TAOK3: variants seen among roughly 807,000 people sequenced by gnomAD.
The protein encoded by TAOK3 is TAO kinase 3.
A neutral mutation model predicts 120.4 loss-of-function variants in TAOK3; 40 were observed. The ratio of observed to expected loss-of-function variants is 0.33; its 90% CI spans 0.26 to 0.43. The LOEUF (loss-of-function observed/expected upper bound fraction) is 0.43, where lower values mean the gene tolerates loss of function less well. Ranked by LOEUF, TAOK3 falls within the 20% of genes least tolerant of loss-of-function variation. The probability of loss-of-function intolerance (pLI) is 1.00; values close to 1 mark genes in which losing one functional copy is unlikely to be tolerated. For missense variants in TAOK3, 821 were observed against 1,112.1 expected (o/e 0.74, Z 3.72); for synonymous variants, 355 against 387.5 (o/e 0.92, Z 0.99).
At position 118,150,095 on chromosome 12, in the gene TAOK3, G is replaced by A. The variant is rs1388054995; in HGVS notation, c.*902C>T. ...TCCAAATACTGAACTGGAAAAGGAG[G>A]GAGGTGGGGAGGAACAGGAGGAGGA... is the stretch of plus-strand genomic sequence containing the variant. On this transcript the variant is annotated 3_prime_UTR_variant, in exon 21 of 21. Coordinates refer to ENST00000392533, the MANE Select transcript of TAOK3 (RefSeq NM_016281.4). 2 of 152,522 alleles carry A rather than the reference G, an allele frequency of 1.3e-5. No individual in the cohort carries two copies. Among genetic ancestry groups the A allele is most frequent in the Non-Finnish European group, 2.9e-5 (2 of 68,028 alleles). 9.4% of individuals were successfully genotyped at this position (152,522 alleles called of 1,614,324 possible). A position where few individuals can be genotyped will look rare whatever the true frequency, so the allele number is the denominator to read the frequency against.
At chr12:118,202,247 T>TC (rs1418940712) in intron 11 of TAOK3, among the ~76,000 whole-genome samples, 10 of 151,636 alleles carry the variant, frequency 6.6e-5, no homozygotes, top group African/African-American at 1.9e-4. Context: ...TACCATAATT[T>TC]CTTTTATCCT....
intron 12 of TAOK3, chr12:118,199,472 C>T (rs762036243): frequency 3.0e-4 from 174 of 577,370 alleles, no homozygotes; most frequent in Non-Finnish European, 4.8e-4. Flanking sequence ...CCATTCTGGA[C>T]GTGGGTCATA....
intron 2 of TAOK3, among the ~76,000 whole-genome samples, chr12:118,265,588 T>G (rs1413223122): frequency 6.6e-6 from 1 of 152,086 alleles, no homozygotes; most frequent in Non-Finnish European, 1.5e-5. Flanking sequence ...AACACCTCAT[T>G]TCACCCACCA....
chr12:118,280,913 C>A lies in TAOK3; in HGVS notation c.-193-14154G>T, dbSNP rs550139140. Among the ~76,000 whole-genome samples the A allele has an allele frequency of 5.3e-5, 8 of 152,202 alleles. No individual in the cohort carries two copies. In the South Asian group the frequency reaches 1.0e-3, roughly 20 times the overall value. On this transcript the variant is annotated intron_variant, in intron 1 of 20. Coordinates refer to ENST00000392533, the MANE Select transcript of TAOK3 (RefSeq NM_016281.4). ...AGTTCTCATTGTAGAGATCTTTCAC[C>A]TCCCTGGTTAGCTGTATTCCTAGGT...
intron 1 of TAOK3, among the ~76,000 whole-genome samples, chr12:118,316,705 G>A (rs1257913400): frequency 2.6e-5 from 4 of 151,998 alleles, no homozygotes; most frequent in East Asian, 1.9e-4. Flanking sequence ...ATGAGCCATC[G>A]TGGCTGGCCA....
chr12:118,284,105 C>A lies in TAOK3; in HGVS notation c.-193-17346G>T, dbSNP rs552163832. On this transcript the variant is annotated intron_variant, in intron 1 of 20. Transcript: ENST00000392533. ...GAAAAAGAATTGAAAGAATATAAAC[C>A]AAAATGTTAATAATGATTATCTTTG... 1.7e-4 allele frequency among the ~76,000 whole-genome samples: 26 copies of A among 151,958 alleles called. No homozygotes were observed. The South Asian group carries it at 5.2e-3, about 30-fold the overall frequency.
chr12:118,277,455 T>A (rs998979138), intron 1 of TAOK3, among the ~76,000 whole-genome samples: 1 of 151,866 alleles, frequency 6.6e-6, no homozygotes, highest in African/African-American at 2.4e-5. Context: ...ATCCAGATGA[T>A]CCACCATGTA....
At chr12:118,234,212 A>T (rs991178382) in intron 8 of TAOK3, among the ~76,000 whole-genome samples, 48 of 58,356 alleles carry the variant, frequency 8.2e-4, no homozygotes, top group African/African-American at 2.4e-3. Context: ...AAAGCAGGAA[A>T]TTTTTTTTTT....
At chr12:118,340,371 C>T (rs1247564782) in intron 1 of TAOK3, among the ~76,000 whole-genome samples, 1 of 152,150 alleles carries the variant, frequency 6.6e-6, no homozygotes, top group Admixed American at 6.6e-5. Context: ...CCTTCTCCCC[C>T]TTGTTTTCTT....
intron 1 of TAOK3, among the ~76,000 whole-genome samples, chr12:118,277,073 G>A (rs1029807418): frequency 6.6e-6 from 1 of 152,206 alleles, no homozygotes; most frequent in Non-Finnish European, 1.5e-5. Context: ...AATTCACAAT[G>A]TCTCTCCAAA....
intron 1 of TAOK3, among the ~76,000 whole-genome samples, chr12:118,335,448 A>C (rs892220110): frequency 1.3e-5 from 2 of 152,170 alleles, no homozygotes; most frequent in Non-Finnish European, 2.9e-5. Flanking sequence ...TAACCATGAA[A>C]GACATTGCCT....
intron 1 of TAOK3, among the ~76,000 whole-genome samples, chr12:118,350,130 C>G (rs1593654726): frequency 6.6e-6 from 1 of 152,308 alleles, no homozygotes; most frequent in African/African-American, 2.4e-5. Context: ...TAGTCCACAA[C>G]TTTTTATTGT....
chr12:118,328,057 CT>C (rs199805678), intron 1 of TAOK3, among the ~76,000 whole-genome samples: 256 of 143,762 alleles, frequency 1.8e-3, no homozygotes, highest in Non-Finnish European at 1.6e-3. Flanking sequence ...TCAACAGGTA[CT>C]TTTTTTTTTT....
chr12:118,263,238 T>G (rs990346309), intron 2 of TAOK3, among the ~76,000 whole-genome samples: 2 of 152,176 alleles, frequency 1.3e-5, no homozygotes, highest in Non-Finnish European at 2.9e-5. Context: ...GGCAATCCAA[T>G]GAAGAAATAA....
intron 1 of TAOK3, among the ~76,000 whole-genome samples, chr12:118,329,081 G>A (rs2044043864): frequency 6.6e-6 from 1 of 152,134 alleles, no homozygotes; most frequent in African/African-American, 2.4e-5. Context: ...GTCTCTTAGG[G>A]AAAGGAAGTA....
chr12:118,325,581 CTT>C (rs2043903385), intron 1 of TAOK3, among the ~76,000 whole-genome samples: 1 of 152,026 alleles, frequency 6.6e-6, no homozygotes, highest in African/African-American at 2.4e-5. Flanking sequence ...GATTTTTTCT[CTT>C]GAGTTTTTTG....
rs555323372 is a variant in TAOK3 at position 118,277,966 on chromosome 12, T to C, written c.-193-11207A>G. Among the ~76,000 whole-genome samples the C allele has an allele frequency of 7.2e-5, 11 of 152,246 alleles. No homozygotes were observed. In the East Asian group the frequency reaches 2.1e-3, roughly 29 times the overall value. ...AGGCCAAAACTGCATACAGCTCTAA[T>C]TACCCTTGAAAATTCCAGTGTTTGT... is the stretch of plus-strand genomic sequence containing the variant. On this transcript the variant is annotated intron_variant, in intron 1 of 20. Transcript: ENST00000392533.
intron 1 of TAOK3, among the ~76,000 whole-genome samples, chr12:118,366,443 G>T (rs1160578215): frequency 6.6e-6 from 1 of 152,106 alleles, no homozygotes; most frequent in African/African-American, 2.4e-5. Context: ...TCATAGCCTT[G>T]ATTGCCATGG....
intron 3 of TAOK3, chr12:118,246,442 A>G: frequency 7.7e-7 from 1 of 1,301,952 alleles, no homozygotes; most frequent in South Asian, 1.3e-5. Flanking sequence ...CGTGCCAGCC[A>G]GCGCACCAGG....
Sources: allele counts gnomAD v4.1 joint callset (sites outside exome capture counted in the v4.1 genomes callset), GRCh38; gene constraint gnomAD v4.1.1; transcripts MANE v1.5; gene names NCBI Gene and HGNC (gene_info 2026-07-23, HGNC 2026-07-21).